KBTBD11: variants seen among roughly 807,000 people sequenced by gnomAD.
KBTBD11 encodes the protein kelch repeat and BTB domain-containing protein 11.
For synonymous variants in KBTBD11, 747 were observed against 499.0 expected (o/e 1.50, Z -6.63); for missense variants, 1,390 against 1,001.8 (o/e 1.39, Z -5.23).
chr8:1,974,392 G>A (rs1816248784), intron 1 of KBTBD11: 1 of 984,854 alleles, frequency 1.0e-6, no homozygotes, highest in Non-Finnish European at 1.2e-6. Flanking sequence ...AGAAGCCGAA[G>A]CCAAGCGCGC....
chr8:1,994,585 C>T (rs1817061992), intron 1 of KBTBD11, among the ~76,000 whole-genome samples: 1 of 152,226 alleles, frequency 6.6e-6, no homozygotes, highest in Non-Finnish European at 1.5e-5. Flanking sequence ...ACATAAATGG[C>T]TAATCACAAC....
intron 1 of KBTBD11, among the ~76,000 whole-genome samples, chr8:1,980,906 C>T (rs903748900): frequency 6.6e-6 from 1 of 152,252 alleles, no homozygotes; most frequent in Non-Finnish European, 1.5e-5. Flanking sequence ...GAGTTTCCCG[C>T]AGTTTCATGG....
chr8:2,001,406 C>A lies in KBTBD11; in HGVS notation c.214C>A (p.Arg72=). The A allele has an allele frequency of 7.1e-7, 1 of 1,403,746 alleles. No individual in the cohort carries two copies. Among genetic ancestry groups the A allele is most frequent in the Non-Finnish European group, 9.2e-7 (1 of 1,082,818 alleles). 87.0% of individuals were successfully genotyped at this position (1,403,746 alleles called of 1,614,324 possible). A position where few individuals can be genotyped will look rare whatever the true frequency, so the allele number is the denominator to read the frequency against. Reference sequence around the variant, plus strand: ...CTCCCCGCCCTCCAGCGGTGGCCCGCGGGTGGTGGAGCGGCAGTGGGAGGC... The same window carrying A: ...CTCCCCGCCCTCCAGCGGTGGCCCGAGGGTGGTGGAGCGGCAGTGGGAGGC... ...ATSPPSSGGP[R]VVERQWEAGS... is the part of the protein sequence containing the mutation. Residue 72 remains arginine (R), a synonymous_variant, in exon 2 of 2, where the codon CGG becomes AGG. Coordinates refer to ENST00000320248, the MANE Select transcript of KBTBD11 (RefSeq NM_014867.3).
intron 1 of KBTBD11, 37 bp downstream of exon 1, chr8:1,973,972 G>A (rs891807274): frequency 6.1e-6 from 6 of 982,996 alleles, no homozygotes; most frequent in Non-Finnish European, 7.2e-6. Context: ...GCGGGGCCTG[G>A]CGGGCGGAGC....
chr8:1,996,725 T>G (rs1014982621), intron 1 of KBTBD11, among the ~76,000 whole-genome samples: 3 of 152,222 alleles, frequency 2.0e-5, no homozygotes, highest in Admixed American at 1.3e-4. Flanking sequence ...TATTTTATTC[T>G]GAATAAGTCC....
intron 1 of KBTBD11, among the ~76,000 whole-genome samples, chr8:1,985,422 A>G (rs1028830353): frequency 1.3e-5 from 2 of 152,250 alleles, no homozygotes; most frequent in Non-Finnish European, 2.9e-5. Flanking sequence ...GGAATTCCGA[A>G]CACTGGACAG....
Position 2,005,551 on chromosome 8 carries a change from ACTGC to A in KBTBD11, c.*2491_*2494del, listed in dbSNP as rs1817547871. 6.0e-6 allele frequency: 1 copy of A among 167,198 alleles called. No individual in the cohort carries two copies. The highest frequency in any genetic ancestry group is 2.4e-5 in the African/African-American group (1 of 41,572). The allele number at this position is 167,198 out of a possible 1,614,324, so 10.4% of individuals were successfully genotyped here. ...CAGGGAGGGCAGAGGCATTGCTGAG[ACTGC>A]CTGGCAACGGCTGATGCCCCAGGTA... On this transcript the variant is annotated 3_prime_UTR_variant, in exon 2 of 2. Coordinates refer to ENST00000320248, the MANE Select transcript of KBTBD11 (RefSeq NM_014867.3).
intron 1 of KBTBD11, among the ~76,000 whole-genome samples, chr8:1,980,849 C>A (rs1266671365): frequency 6.6e-6 from 1 of 152,218 alleles, no homozygotes; most frequent in Non-Finnish European, 1.5e-5. Flanking sequence ...TAACAATCTG[C>A]TCAAGCTGAA....
chr8:1,992,199 G>A (rs1816944361), intron 1 of KBTBD11, among the ~76,000 whole-genome samples: 1 of 152,276 alleles, frequency 6.6e-6, no homozygotes, highest in Non-Finnish European at 1.5e-5. Flanking sequence ...GCACGGGTGA[G>A]TTTCCTCATC....
intron 1 of KBTBD11, among the ~76,000 whole-genome samples, chr8:1,991,557 G>C (rs1443224946): frequency 9.2e-5 from 14 of 151,536 alleles, no homozygotes; most frequent in African/African-American, 3.4e-4. Context: ...GATCCATGAG[G>C]GCAGGGCCCT....
At chr8:1,978,933 G>C (rs1816443636) in intron 1 of KBTBD11, among the ~76,000 whole-genome samples, 1 of 152,186 alleles carries the variant, frequency 6.6e-6, no homozygotes, top group African/African-American at 2.4e-5. Flanking sequence ...GCAAAGGCTG[G>C]TGTTCCAAAG....
chr8:2,002,684 C>G lies in KBTBD11; in HGVS notation c.1492C>G (p.Leu498Val). Residue 498 changes from leucine to valine, a missense_variant, in exon 2 of 2, where the codon CTC (leucine) becomes GTC (valine). Transcript: ENST00000320248. The surrounding 1 kb of genome is among the most constrained non-coding windows in gnomAD (Gnocchi z 4.1). Reference protein sequence around the residue: ...SRERSADMVALDGFIYRFDLS... With the variant: ...SRERSADMVAVDGFIYRFDLS... ...CGAGCGCTCGGCCGACATGGTGGCT[C>G]TCGACGGCTTCATCTACCGCTTCGA... is the stretch of plus-strand genomic sequence containing the variant. 6.4e-7 allele frequency: 1 copy of G among 1,561,540 alleles called. No homozygotes were observed. Among genetic ancestry groups the G allele is most frequent in the Non-Finnish European group, 8.6e-7 (1 of 1,162,874 alleles).
At chr8:1,987,924 G>A (rs899001631) in intron 1 of KBTBD11, among the ~76,000 whole-genome samples, 13 of 151,710 alleles carry the variant, frequency 8.6e-5, no homozygotes, top group African/African-American at 2.9e-4. Context: ...GATGTTCCCC[G>A]CCCTGTTTCC....
In KBTBD11 at chr8:2,002,085, C is replaced by T. The variant is rs1817395024; in HGVS notation, c.893C>T (p.Ala298Val). The T allele has an allele frequency of 9.1e-6, 10 of 1,099,800 alleles. No homozygotes were observed. Among genetic ancestry groups the T allele is most frequent in the Non-Finnish European group, 9.9e-6 (9 of 907,116 alleles). The allele number at this position is 1,099,800 out of a possible 1,614,324, so 68.1% of individuals were successfully genotyped here. ...CGCGCCGGCCGCGCCCACCTCTTGG[C>T]CGCGGCGCTCGGGCCGGCGGGGGAG... ...RLRAGRAHLL[A>V]AALGPAGERA... is the part of the protein sequence containing the mutation. The change falls in exon 2 of 2, where the codon GCC (alanine) becomes GTC (valine). Residue 298 changes from alanine to valine, a missense_variant. Transcript: ENST00000320248. The surrounding 1 kb of genome is among the most constrained non-coding windows in gnomAD (Gnocchi z 4.1).
intron 1 of KBTBD11, chr8:1,974,291 C>G (rs1474829035): frequency 2.0e-6 from 2 of 983,756 alleles, no homozygotes; most frequent in Non-Finnish European, 2.4e-6. Context: ...GCGGCAACCC[C>G]GGCCGGAAGA....
Position 2,003,385 on chromosome 8 carries a change from G to A in KBTBD11, c.*321G>A. The stretch of plus-strand genomic sequence containing the variant: ...GGGGTTCCTGAGGCAGCCTGCAGCC[G>A]GCCCCGGGGTGTCCCGAACCCCGCA... On this transcript the variant is annotated 3_prime_UTR_variant, in exon 2 of 2. Transcript: ENST00000320248. The A allele has an allele frequency of 3.8e-6, 1 of 264,384 alleles. No homozygotes were observed. The allele number at this position is 264,384 out of a possible 1,614,324, so 16.4% of individuals were successfully genotyped here.
chr8:2,002,206 C>T lies in KBTBD11; in HGVS notation c.1014C>T (p.Arg338=). Residue 338 remains arginine (R), a synonymous_variant, in exon 2 of 2, where the codon CGC becomes CGT. Coordinates refer to ENST00000320248, the MANE Select transcript of KBTBD11 (RefSeq NM_014867.3). This position sits in a 1 kb window ranked among gnomAD's most constrained non-coding sequence, Gnocchi z 4.1. ...TCCACGCGGCGGCCGGAGAGTGGCG[C>T]GAGCTGACGCGGCTGCCCGAGGGCG... ...YCFHAAAGEW[R]ELTRLPEGAP... is the part of the protein sequence containing the mutation. 7.9e-7 allele frequency: 1 copy of T among 1,259,372 alleles called. No individual in the cohort carries two copies. The highest frequency in any genetic ancestry group is 9.9e-7 in the Non-Finnish European group (1 of 1,006,028). The allele number at this position is 1,259,372 out of a possible 1,614,324, so 78.0% of individuals were successfully genotyped here.
At position 2,002,012 on chromosome 8, in the gene KBTBD11, G is replaced by C. The variant is rs777716848; in HGVS notation, c.820G>C (p.Gly274Arg). ...GGTGCTGCGCGAGCCCGCCGTGTTC[G>C]GCCGCCTGTCGGGCGCAGAGCGGGA... ...LEVLREPAVF[G>R]RLSGAERDLL... The change falls in exon 2 of 2, where the codon GGC becomes CGC. Residue 274 changes from glycine (G) to arginine (R), a missense_variant. Coordinates refer to ENST00000320248, the MANE Select transcript of KBTBD11 (RefSeq NM_014867.3). This position sits in a 1 kb window ranked among gnomAD's most constrained non-coding sequence, Gnocchi z 4.1. The C allele has an allele frequency of 1.4e-6, 2 of 1,414,882 alleles. No individual in the cohort carries two copies. Among genetic ancestry groups the C allele is most frequent in the Middle Eastern group, 2.1e-4 (1 of 4,774 alleles). 87.6% of individuals were successfully genotyped at this position (1,414,882 alleles called of 1,614,324 possible). A position where few individuals can be genotyped will look rare whatever the true frequency, so the allele number is the denominator to read the frequency against.
chr8:1,984,343 C>G (rs1816641744), intron 1 of KBTBD11, among the ~76,000 whole-genome samples: 1 of 132,222 alleles, frequency 7.6e-6, no homozygotes, highest in Non-Finnish European at 1.5e-5. Flanking sequence ...GGCTGGAGTG[C>G]AGTGGCGTGA....
Sources: gnomAD v4.1 joint callset for allele counts (sites outside exome capture counted in the v4.1 genomes callset) on GRCh38, gnomAD v4.1.1 for gene constraint, Gnocchi (gnomAD v3.1) non-coding constraint, MANE v1.5 for transcripts, NCBI Gene and HGNC (gene_info 2026-07-23, HGNC 2026-07-21) for gene names.